TCF20: variants seen among roughly 807,000 people sequenced by gnomAD.
The protein encoded by TCF20 is transcription factor 20.
A neutral mutation model predicts 148.6 loss-of-function variants in TCF20; 3 were observed. The ratio of observed to expected loss-of-function variants is 0.02; its 90% CI spans 0.01 to 0.05. TCF20 has a LOEUF of 0.05. TCF20 is among the 10% of genes least tolerant of loss of function. The probability of loss-of-function intolerance (pLI) is 1.00; values close to 1 mark genes in which losing one functional copy is unlikely to be tolerated. For synonymous variants in TCF20, 1,049 were observed against 909.5 expected (o/e 1.15, Z -2.76); for missense variants, 2,350 against 2,429.3 (o/e 0.97, Z 0.69).
In TCF20 at chr22:42,211,989, T is replaced by C. The variant is rs1920992917; in HGVS notation, c.3317A>G (p.Gln1106Arg). ...EYKDWSSGSA[Q>R]GVIAAAQHRQ... The stretch of plus-strand genomic sequence containing the variant: ...GTGCTGTGCTGCAGCAATTACTCCC[T>C]GAGCAGAACCGCTGCTCCAGTCTTT... The change falls in exon 2 of 6, where the codon CAG (glutamine) becomes CGG (arginine). Residue 1106 changes from glutamine to arginine, a missense_variant. Gln to Arg is a conservative substitution (Grantham distance 43). Transcript: ENST00000677622. 1.9e-6 allele frequency: 3 copies of C among 1,614,252 alleles called. No homozygotes were observed. The highest frequency in any genetic ancestry group is 2.5e-6 in the Non-Finnish European group (3 of 1,180,044).
At chr22:42,172,181 C>G (rs1936171016) in intron 3 of TCF20, among the ~76,000 whole-genome samples, 1 of 152,260 alleles carries the variant, frequency 6.6e-6, no homozygotes, top group Non-Finnish European at 1.5e-5. Flanking sequence ...TGTTCTCATA[C>G]ATGTCCACAG....
Position 42,210,377 on chromosome 22 carries a change from A to G in TCF20, c.4929T>C (p.Leu1643=). 6.2e-7 allele frequency: 1 copy of G among 1,614,212 alleles called. No homozygotes were observed. Among genetic ancestry groups the G allele is most frequent in the South Asian group, 1.1e-5 (1 of 91,084 alleles). ...CATTGATGATTGTACAAACGGCTCC[A>G]AGTTCACACTTATTTACTACATGGA... ...PYIHVVNKCE[L]GAVCTIINAE... Residue 1643 remains leucine (L), a synonymous_variant, in exon 2 of 6, where the codon CTT becomes CTC. Transcript: ENST00000677622. This position sits in a 1 kb window ranked among gnomAD's most constrained non-coding sequence, Gnocchi z 4.7.
chr22:42,218,075 A>G (rs1457869165), intron 1 of TCF20, among the ~76,000 whole-genome samples: 3 of 152,226 alleles, frequency 2.0e-5, no homozygotes, highest in Non-Finnish European at 2.9e-5. Flanking sequence ...GGTAATAGCT[A>G]TTCAAATGGT....
intron 1 of TCF20, among the ~76,000 whole-genome samples, chr22:42,230,626 C>G (rs1923313331): frequency 6.9e-6 from 1 of 145,808 alleles, no homozygotes; most frequent in South Asian, 2.3e-4. Flanking sequence ...GTCTGGGCGA[C>G]AGAGAGAGAC....
intron 1 of TCF20, among the ~76,000 whole-genome samples, chr22:42,247,487 G>A (rs917454317): frequency 1.4e-4 from 21 of 151,060 alleles, no homozygotes; most frequent in African/African-American, 3.7e-4. Context: ...AAGAGGACAC[G>A]GACCCAGACC....
chr22:42,192,731 G>C (rs1937398065), intron 2 of TCF20, among the ~76,000 whole-genome samples: 1 of 152,144 alleles, frequency 6.6e-6, no homozygotes, highest in Non-Finnish European at 1.5e-5. Flanking sequence ...AACAACATGA[G>C]ACATAGTCTC....
intron 1 of TCF20, among the ~76,000 whole-genome samples, chr22:42,241,414 T>G (rs1924389765): frequency 6.6e-6 from 1 of 152,114 alleles, no homozygotes; most frequent in Admixed American, 6.6e-5. Flanking sequence ...AAGCGAAGTT[T>G]GAAAAATTTA....
rs535144285 is a variant in TCF20, at chr22:42,165,264, G to C, written c.*44+3345C>G. Among the ~76,000 whole-genome samples the C allele has an allele frequency of 3.3e-5, 5 of 152,352 alleles. No individual in the cohort carries two copies. In the South Asian group the frequency reaches 8.3e-4, roughly 25 times the overall value. On this transcript the variant is annotated intron_variant, in intron 5 of 5. Transcript: ENST00000677622. ...TGTGATGTCCAGCTCCAGGGGCAGG[G>C]GGGCCACGCCCCGTTCCCTGCCTTG...
At chr22:42,236,235 G>C (rs1923874477) in intron 1 of TCF20, among the ~76,000 whole-genome samples, 1 of 151,756 alleles carries the variant, frequency 6.6e-6, no homozygotes, top group African/African-American at 2.4e-5. Flanking sequence ...GAAAAAAATG[G>C]AAAAGAGGTT....
chr22:42,311,384 G>A (rs1927534494), intron 1 of TCF20, among the ~76,000 whole-genome samples: 2 of 152,254 alleles, frequency 1.3e-5, no homozygotes, highest in South Asian at 4.1e-4. Context: ...CTGTGCCTCA[G>A]TTTCCTCATA....
chr22:42,218,480 C>T (rs1311892972), intron 1 of TCF20, among the ~76,000 whole-genome samples: 1 of 152,180 alleles, frequency 6.6e-6, no homozygotes. Context: ...TCCTGCTCTA[C>T]TCCTCAGTGC....
At chr22:42,172,570 G>T (rs975259688) in intron 3 of TCF20, among the ~76,000 whole-genome samples, 2 of 152,192 alleles carry the variant, frequency 1.3e-5, no homozygotes, top group Admixed American at 6.5e-5. Context: ...TCAACCCCCA[G>T]AAGAGAAGGC....
chr22:42,185,143 G>C (rs1936984461), intron 2 of TCF20, among the ~76,000 whole-genome samples: 1 of 152,162 alleles, frequency 6.6e-6, no homozygotes, highest in South Asian at 2.1e-4. Flanking sequence ...AGCAGCCTCA[G>C]AACACCAAAG....
chr22:42,276,067 T>C (rs1926771942), intron 1 of TCF20, among the ~76,000 whole-genome samples: 1 of 152,192 alleles, frequency 6.6e-6, no homozygotes, highest in Non-Finnish European at 1.5e-5. Context: ...TATTTCTGCC[T>C]GAAAGCTCAA....
intron 1 of TCF20, among the ~76,000 whole-genome samples, chr22:42,325,657 G>A (rs1188969058): frequency 6.6e-6 from 1 of 152,196 alleles, no homozygotes; most frequent in Non-Finnish European, 1.5e-5. Context: ...CCCTCAAGGA[G>A]CTCACAGTCC....
At chr22:42,298,898 C>G (rs73886025) in intron 1 of TCF20, among the ~76,000 whole-genome samples, 21,785 of 152,248 alleles carry the variant, frequency 0.14, 1,737 homozygotes, top group African/African-American at 0.18. Context: ...CCTCCAGGAG[C>G]CATCCCTGCC....
chr22:42,332,495 ATTTC>A (rs1275534473), intron 1 of TCF20, among the ~76,000 whole-genome samples: 3 of 151,848 alleles, frequency 2.0e-5, no homozygotes, highest in East Asian at 1.9e-4. Context: ...AGTTCAGCCA[ATTTC>A]TTTCTTTCTT....
chr22:42,222,958 G>C (rs902510035), intron 1 of TCF20, among the ~76,000 whole-genome samples: 2 of 152,226 alleles, frequency 1.3e-5, no homozygotes, highest in East Asian at 3.9e-4. Context: ...ACCAGCATGG[G>C]CAACATAACA....
chr22:42,223,692 AAGGAATCTTG>A (rs1394567752), intron 1 of TCF20, among the ~76,000 whole-genome samples: 5 of 152,220 alleles, frequency 3.3e-5, no homozygotes, highest in Non-Finnish European at 7.3e-5. Flanking sequence ...GCATTTTAGA[AAGGAATCTTG>A]AGGAATCTTG....
Sources: gnomAD v4.1 joint callset for allele counts (sites outside exome capture counted in the v4.1 genomes callset) on GRCh38, gnomAD v4.1.1 for gene constraint, Gnocchi (gnomAD v3.1) non-coding constraint, MANE v1.5 for transcripts, NCBI Gene and HGNC (gene_info 2026-07-23, HGNC 2026-07-21) for gene names.